The following DNAH9 variants were observed in gnomAD, a reference collection of about 807,000 sequenced individuals.
The protein encoded by DNAH9 is dynein axonemal heavy chain 9, also known as DNAH9 variant protein.
DNAH9 carries 345 observed loss-of-function variants against 471.6 expected under a neutral mutation model. The observed-to-expected ratio is 0.73, with a 90% confidence interval of 0.67 to 0.80. The LOEUF (loss-of-function observed/expected upper bound fraction) is 0.80, where lower values mean the gene tolerates loss of function less well. Among genes scored for constraint, DNAH9 ranks in the 30% least tolerant of loss-of-function variants. DNAH9 has a pLI of 0.00. For missense variants in DNAH9, 5,407 were observed against 5,609.2 expected, an observed-to-expected ratio of 0.96 and a Z score of 1.15; for synonymous variants, 2,093 against 2,123.6, an observed-to-expected ratio of 0.99 and a Z score of 0.40.
At chr17:11,740,819 C>T (rs113441429) in intron 29 of DNAH9, among the ~76,000 whole-genome samples, 2 of 152,064 alleles carry the variant, frequency 1.3e-5, no homozygotes, top group Non-Finnish European at 2.9e-5. Context: ...GAGTTTGAAC[C>T]CAGAGCCCCT....
intron 38 of DNAH9, among the ~76,000 whole-genome samples, chr17:11,779,058 A>G (rs569550111): frequency 1.0e-3 from 156 of 152,228 alleles, no homozygotes; most frequent in Middle Eastern, 3.4e-3. Context: ...TGGCAGTGCA[A>G]TAGTATCCAG....
rs1362456078 is a variant in DNAH9, at chr17:11,783,853, A to G, written c.7821+105A>G. The G allele has an allele frequency of 5.7e-6, 5 of 879,794 alleles. No homozygotes were observed. In the East Asian group the frequency reaches 1.0e-4, roughly 18 times the overall value. The allele number at this position is 879,794 out of a possible 1,614,324, so 54.5% of individuals were successfully genotyped here. A position where few individuals can be genotyped will look rare whatever the true frequency, so the allele number is the denominator to read the frequency against. ...GGCCTTTTTCCCCATGCAGCCTCTC[A>G]GAATGGTAAATCAGATAGAATGCCA... On this transcript the variant is annotated intron_variant, in intron 40 of 68. Coordinates refer to ENST00000262442, the MANE Select transcript of DNAH9 (RefSeq NM_001372.4).
intron 57 of DNAH9, among the ~76,000 whole-genome samples, chr17:11,890,150 G>T (rs1338814385): frequency 6.6e-6 from 1 of 152,046 alleles, no homozygotes; most frequent in African/African-American, 2.4e-5. Context: ...CTGTTATTTT[G>T]ATAAAGAGAG....
rs569824527 is a variant in DNAH9, at chr17:11,798,937, A to G, written c.8420+1144A>G. Reference sequence around the variant, plus strand: ...TCAAAACCCCAGTTCTTTTGAACACAAGTCACCTGCCTTTCCTACTCATTC... The same window carrying G: ...TCAAAACCCCAGTTCTTTTGAACACGAGTCACCTGCCTTTCCTACTCATTC... On this transcript the variant is annotated intron_variant, in intron 43 of 68. Coordinates refer to ENST00000262442, the MANE Select transcript of DNAH9 (RefSeq NM_001372.4). 5.9e-5 allele frequency among the ~76,000 whole-genome samples: 9 copies of G among 152,134 alleles called. No homozygotes were observed. In the South Asian group the frequency reaches 1.9e-3, roughly 32 times the overall value.
At chr17:11,948,964 C>T (rs962995214) in intron 67 of DNAH9, among the ~76,000 whole-genome samples, 4 of 152,134 alleles carry the variant, frequency 2.6e-5, no homozygotes. Flanking sequence ...CCCAGGGCAA[C>T]AGCTGCTTCA....
Position 11,715,566 on chromosome 17 carries a change from C to T in DNAH9, c.5553-3768C>T, listed in dbSNP as rs779985421. Among the ~76,000 whole-genome samples, 29 of 152,208 alleles carry T rather than the reference C, an allele frequency of 1.9e-4. No individual in the cohort carries two copies. In the East Asian group the frequency reaches 4.3e-3, roughly 22 times the overall value. ...GCCTCACCTTTAAAATCCCTTCCAA[C>T]GCTAACGTTCCTGTGTTCCCACTGG... On this transcript the variant is annotated intron_variant, in intron 26 of 68. Coordinates refer to ENST00000262442, the MANE Select transcript of DNAH9 (RefSeq NM_001372.4).
chr17:11,778,339 A>G (rs1450261057), intron 38 of DNAH9, among the ~76,000 whole-genome samples: 52 of 122,866 alleles, frequency 4.2e-4, no homozygotes, highest in African/African-American at 2.0e-3. Flanking sequence ...CAAAAAAAAA[A>G]AAAAAAAAAA....
At chr17:11,947,776 T>A (rs1289285083) in intron 67 of DNAH9, among the ~76,000 whole-genome samples, 10 of 135,836 alleles carry the variant, frequency 7.4e-5, no homozygotes, top group African/African-American at 1.4e-4. Flanking sequence ...GGAACTATTT[T>A]TTTTTTTTTT....
At chr17:11,749,830 A>G (rs891263046) in intron 32 of DNAH9, among the ~76,000 whole-genome samples, 4 of 151,998 alleles carry the variant, frequency 2.6e-5, no homozygotes, top group African/African-American at 7.2e-5. Context: ...TGTTTGACTC[A>G]CCTGTTTATC....
chr17:11,760,117 C>T (rs991038100), intron 35 of DNAH9, among the ~76,000 whole-genome samples: 6 of 152,168 alleles, frequency 3.9e-5, no homozygotes, highest in Admixed American at 3.9e-4. Context: ...CCACTGTGCC[C>T]GCCTACACCA....
In DNAH9 at chr17:11,922,521, G is replaced by A. The variant is rs541634420; in HGVS notation, c.11750-1293G>A. Among the ~76,000 whole-genome samples, 6 of 152,198 alleles carry A rather than the reference G, an allele frequency of 3.9e-5. No homozygotes were observed. In the South Asian group the frequency reaches 6.2e-4, roughly 16 times the overall value. ...TTTCTTTGTGTTGTTTCCCTTGGGCGTGGAGAGCAGCTGAAGCCCACTGGT... is the reference window on the plus strand; with the variant it reads ...TTTCTTTGTGTTGTTTCCCTTGGGCATGGAGAGCAGCTGAAGCCCACTGGT... On this transcript the variant is annotated intron_variant, in intron 61 of 68. Coordinates refer to ENST00000262442, the MANE Select transcript of DNAH9 (RefSeq NM_001372.4).
In DNAH9 at chr17:11,752,910, ATAGATCCAATG is replaced by A; in HGVS notation, c.6690_6700del (p.Ile2230MetfsTer3). Reference sequence around the variant, plus strand: ...CAAGTGGATTTTACTGGATGGCGACATAGATCCAATGTGGATTGAATCCCTGAATACTGTCA... The same window carrying A: ...CAAGTGGATTTTACTGGATGGCGACATGGATTGAATCCCTGAATACTGTCA... On this transcript the variant is annotated frameshift_variant, in exon 33 of 69. Transcript: ENST00000262442. LOFTEE classifies it high-confidence loss of function. 6.2e-7 allele frequency: 1 copy of A among 1,608,950 alleles called. No individual in the cohort carries two copies. Among genetic ancestry groups the A allele is most frequent in the African/African-American group, 1.3e-5 (1 of 74,918 alleles).
chr17:11,938,507 T>C (rs1974789474), intron 66 of DNAH9, among the ~76,000 whole-genome samples: 1 of 150,482 alleles, frequency 6.6e-6, no homozygotes, highest in Non-Finnish European at 1.5e-5. Flanking sequence ...AATTTCTCCA[T>C]GAATTTTTTT....
chr17:11,702,572 G>C (rs192441288), intron 24 of DNAH9, among the ~76,000 whole-genome samples: 16 of 152,318 alleles, frequency 1.1e-4, no homozygotes, highest in African/African-American at 3.8e-4. Flanking sequence ...AGCAGAATAA[G>C]AAATGGTCTT....
intron 41 of DNAH9, among the ~76,000 whole-genome samples, chr17:11,789,865 A>G (rs376087733): frequency 1.3e-5 from 2 of 152,136 alleles, no homozygotes; most frequent in South Asian, 4.1e-4. Context: ...TAGCTACATC[A>G]TGCAAGCTTT....
intron 48 of DNAH9, 66 bp downstream of exon 48, chr17:11,823,100 T>G: frequency 7.4e-7 from 1 of 1,344,938 alleles, no homozygotes; most frequent in Admixed American, 2.4e-5. Context: ...CCCTTTCCAG[T>G]GAACTGGAGG....
chr17:11,743,266 T>C (rs559376243), intron 30 of DNAH9, among the ~76,000 whole-genome samples: 15 of 152,184 alleles, frequency 9.9e-5, no homozygotes, highest in Non-Finnish European at 1.9e-4. Context: ...CTATATATAA[T>C]TTTAAATGAA....
chr17:11,905,912 C>G, intron 61 of DNAH9, 103 bp downstream of exon 61: 2 of 1,351,160 alleles, frequency 1.5e-6, no homozygotes, highest in East Asian at 5.0e-5. Flanking sequence ...TTCAAATATG[C>G]AACACTGCAA....
intron 8 of DNAH9, 90 bp downstream of exon 8, chr17:11,632,793 G>C (rs1248539413): frequency 6.5e-6 from 4 of 619,228 alleles, no homozygotes; most frequent in African/African-American, 5.4e-5. Context: ...CACCTGTTCT[G>C]TTCCTGCAAC....
Sources: gnomAD v4.1 joint callset for allele counts (sites outside exome capture counted in the v4.1 genomes callset) on GRCh38, gnomAD v4.1.1 for gene constraint, MANE v1.5 for transcripts, NCBI Gene and HGNC (gene_info 2026-07-23, HGNC 2026-07-21) for gene names.